Variants in KALRN observed in about 807,000 individuals in gnomAD.
KALRN encodes the protein kalirin RhoGEF kinase, also known as kalirin.
Under a neutral mutation model 353.7 loss-of-function variants are expected in KALRN, and 70 were observed. The ratio of observed to expected loss-of-function variants is 0.20; its 90% CI spans 0.16 to 0.24. KALRN has a LOEUF of 0.24. KALRN is among the 10% of genes least tolerant of loss of function. KALRN has a pLI of 1.00. For missense variants in KALRN, 2,791 were observed against 3,756.7 expected, an observed-to-expected ratio of 0.74 and a Z score of 6.72; for synonymous variants, 1,391 against 1,434.8, an observed-to-expected ratio of 0.97 and a Z score of 0.69.
In KALRN at chr3:124,347,204, A is replaced by T. The variant is rs537533367; in HGVS notation, c.1709A>T (p.Lys570Met). Reference sequence around the variant, plus strand: ...CTCAGCAAACACACTGGAGTTGGGAAGTCCCTACATCGAGCCCGGGCCCTG... The same window carrying T: ...CTCAGCAAACACACTGGAGTTGGGATGTCCCTACATCGAGCCCGGGCCCTG... ...AFLSKHTGVG[K>M]SLHRARALQK... Residue 570 changes from lysine to methionine, a missense_variant, in exon 10 of 60, where the codon AAG becomes ATG. Lys to Met is a moderately conservative substitution (Grantham distance 95). Around this residue, in one of 11 missense-constraint regions of KALRN, gnomAD observed 15 missense variants for 54.6 expected, o/e 0.27. Coordinates refer to ENST00000682506, the MANE Select transcript of KALRN (RefSeq NM_001388419.1). The T allele has an allele frequency of 6.2e-7, 1 of 1,612,870 alleles. No individual in the cohort carries two copies. Among genetic ancestry groups the T allele is most frequent in the South Asian group, 1.1e-5 (1 of 91,052 alleles).
At chr3:124,518,000 C>T (rs976148438) in intron 33 of KALRN, among the ~76,000 whole-genome samples, 1 of 152,112 alleles carries the variant, frequency 6.6e-6, no homozygotes, top group African/African-American at 2.4e-5. Context: ...TTAATGCATC[C>T]CCATTTCTAT....
In KALRN at chr3:124,128,218, A is replaced by G. The variant is rs192374354; in HGVS notation, c.73+94405A>G. Among the ~76,000 whole-genome samples the G allele has an allele frequency of 2.5e-3, 376 of 152,326 alleles. 1 individual carries two copies. The highest frequency in any genetic ancestry group is 1.4e-3 in the Non-Finnish European group (92 of 68,026). On this transcript the variant is annotated intron_variant, in intron 1 of 59. Transcript: ENST00000682506. ...TTTTCTCAAGTTATTAATTATTACTATAGTCACATTTATCAGTGGAATAAG... is the reference window on the plus strand; with the variant it reads ...TTTTCTCAAGTTATTAATTATTACTGTAGTCACATTTATCAGTGGAATAAG...
intron 1 of KALRN, among the ~76,000 whole-genome samples, chr3:124,053,539 A>G (rs1028159650): frequency 6.6e-6 from 1 of 152,180 alleles, no homozygotes; most frequent in Non-Finnish European, 1.5e-5. Context: ...AACACTTCAC[A>G]TGCTACTATA....
intron 15 of KALRN, among the ~76,000 whole-genome samples, chr3:124,426,226 G>A (rs1218976111): frequency 1.3e-5 from 2 of 152,152 alleles, no homozygotes; most frequent in African/African-American, 4.8e-5. Context: ...TGGTGGAGCG[G>A]GAAATACTGA....
At chr3:124,217,081 C>T (rs1470673644) in intron 1 of KALRN, among the ~76,000 whole-genome samples, 2 of 152,136 alleles carry the variant, frequency 1.3e-5, no homozygotes, top group African/African-American at 2.4e-5. Flanking sequence ...TTTGGATTAT[C>T]TGAATATTTG....
At chr3:124,679,733 A>C in intron 51 of KALRN, 1 of 625,018 alleles carries the variant, frequency 1.6e-6, no homozygotes, top group East Asian at 2.9e-5. Flanking sequence ...TAAAAAACAA[A>C]AACTTGTTAT....
chr3:124,591,319 T>C (rs2075750476), intron 34 of KALRN, among the ~76,000 whole-genome samples: 1 of 152,176 alleles, frequency 6.6e-6, no homozygotes, highest in South Asian at 2.1e-4. Flanking sequence ...CTTTTCTTTT[T>C]TTGAGACAAG....
chr3:124,334,870 C>A lies in KALRN; in HGVS notation c.1647+375C>A, dbSNP rs1000854916. Among the ~76,000 whole-genome samples, 1 of 152,210 alleles carries A rather than the reference C, an allele frequency of 6.6e-6. No individual in the cohort carries two copies. The highest frequency in any genetic ancestry group is 1.5e-5 in the Non-Finnish European group (1 of 68,032). Reference sequence around the variant, plus strand: ...AGTATAGTGGTGTGATCTTGGCTCACTGCAACCTCCGCTTTCTGGGTTCAA... The same window carrying A: ...AGTATAGTGGTGTGATCTTGGCTCAATGCAACCTCCGCTTTCTGGGTTCAA... On this transcript the variant is annotated intron_variant, in intron 9 of 59. Transcript: ENST00000682506. This position sits in a 1 kb window ranked among gnomAD's most constrained non-coding sequence, Gnocchi z 4.2.
At position 124,721,906 on chromosome 3, in the gene KALRN, C is replaced by T. The variant is rs554062968; in HGVS notation, c.*2436C>T. On this transcript the variant is annotated 3_prime_UTR_variant, in exon 60 of 60. Transcript: ENST00000682506. ...CCGGAAGGCGGAGGTTGCCGTGAGCCGAGATTGCACCACTGCACTCTAGCC... is the reference window on the plus strand; with the variant it reads ...CCGGAAGGCGGAGGTTGCCGTGAGCTGAGATTGCACCACTGCACTCTAGCC... The T allele has an allele frequency of 6.6e-6, 1 of 152,204 alleles. No homozygotes were observed. The highest frequency in any genetic ancestry group is 1.5e-5 in the Non-Finnish European group (1 of 68,152). The allele number at this position is 152,204 out of a possible 1,614,324, so 9.4% of individuals were successfully genotyped here. A position where few individuals can be genotyped will look rare whatever the true frequency, so the allele number is the denominator to read the frequency against.
chr3:124,575,957 G>A (rs141502473), intron 34 of KALRN, among the ~76,000 whole-genome samples: 47 of 152,136 alleles, frequency 3.1e-4, no homozygotes, highest in Admixed American at 2.4e-3. Context: ...TTTGGCGGAC[G>A]TTATTCTGTC....
chr3:124,237,528 A>C (rs2148612215), intron 3 of KALRN, among the ~76,000 whole-genome samples: 1 of 151,926 alleles, frequency 6.6e-6, no homozygotes, highest in Middle Eastern at 3.4e-3. Flanking sequence ...ACAACTGGCT[A>C]ATTTTTGTAT....
chr3:124,104,859 T>A lies in KALRN; in HGVS notation c.73+71046T>A, dbSNP rs184241077. ...GGTGCAGGATTAATAGGAGTTTGTT[T>A]GGTGGAGAAGGTGGGGCCAAACATT... On this transcript the variant is annotated intron_variant, in intron 1 of 59. Transcript: ENST00000682506. 9.6e-4 allele frequency among the ~76,000 whole-genome samples: 146 copies of A among 152,174 alleles called. 1 individual carries two copies. The highest frequency in any genetic ancestry group is 3.4e-3 in the African/African-American group (140 of 41,512).
intron 25 of KALRN, among the ~76,000 whole-genome samples, chr3:124,467,179 C>G (rs2107804977): frequency 6.6e-6 from 1 of 152,316 alleles, no homozygotes; most frequent in South Asian, 2.1e-4. Context: ...GGAGCACTGA[C>G]CAGGCCAGGG....
At chr3:124,702,715 C>T (rs2062401250) in intron 57 of KALRN, among the ~76,000 whole-genome samples, 1 of 152,018 alleles carries the variant, frequency 6.6e-6, no homozygotes, top group African/African-American at 2.4e-5. Context: ...CTATATTGCC[C>T]GTGTACCAAG....
intron 1 of KALRN, among the ~76,000 whole-genome samples, chr3:124,068,547 A>G (rs2042569754): frequency 6.6e-6 from 1 of 152,200 alleles, no homozygotes; most frequent in African/African-American, 2.4e-5. Flanking sequence ...TCCACCTGAC[A>G]TACTCAATAT....
At chr3:124,403,559 C>T (rs2091135996) in intron 13 of KALRN, among the ~76,000 whole-genome samples, 1 of 152,116 alleles carries the variant, frequency 6.6e-6, no homozygotes, top group Non-Finnish European at 1.5e-5. Context: ...CTATGGGGTT[C>T]ATGTAAAACA....
intron 37 of KALRN, among the ~76,000 whole-genome samples, chr3:124,646,642 C>T (rs932743636): frequency 4.0e-5 from 6 of 151,390 alleles, no homozygotes; most frequent in South Asian, 2.1e-4. Flanking sequence ...CTGCCCCCCT[C>T]GGCCTCCCAA....
chr3:124,711,926 A>G (rs1299885650), intron 57 of KALRN, among the ~76,000 whole-genome samples: 1 of 152,230 alleles, frequency 6.6e-6, no homozygotes, highest in African/African-American at 2.4e-5. Flanking sequence ...AGTTTCCATA[A>G]TAAGAAGATA....
rs757727525 is a variant in KALRN, at chr3:124,694,475, A to G, written c.7549A>G (p.Ser2517Gly). The G allele has an allele frequency of 6.2e-7, 1 of 1,614,158 alleles. No homozygotes were observed. Among genetic ancestry groups the G allele is most frequent in the South Asian group, 1.1e-5 (1 of 91,076 alleles). Residue 2517 changes from serine (S) to glycine (G), a missense_variant, in exon 53 of 60, where the codon AGC becomes GGC. By Grantham distance (56) the Ser-to-Gly change is moderately conservative. Coordinates refer to ENST00000682506, the MANE Select transcript of KALRN (RefSeq NM_001388419.1). ...PDQNILDTDN[S>G]SATYTVSSCD... ...CCAGAACATCCTTGACACTGATAAC[A>G]GCTCAGCCACATACACGGTCTCCTC...
Sources: gnomAD v4.1 joint callset for allele counts (sites outside exome capture counted in the v4.1 genomes callset) on GRCh38, gnomAD v4.1.1 for gene constraint, gnomAD v4.1.1 regional missense constraint, Gnocchi (gnomAD v3.1) non-coding constraint, MANE v1.5 for transcripts, NCBI Gene and HGNC (gene_info 2026-07-23, HGNC 2026-07-21) for gene names.